SHC3: variants seen among roughly 807,000 people sequenced by gnomAD.
SHC3 encodes the protein SHC-transforming protein 3.
A neutral mutation model predicts 60.4 loss-of-function variants in SHC3; 15 were observed. That is an observed-to-expected ratio of 0.25 (90% CI 0.17 to 0.38). The LOEUF (loss-of-function observed/expected upper bound fraction) is 0.38, where lower values mean the gene tolerates loss of function less well. Among genes scored for constraint, SHC3 ranks in the 10% least tolerant of loss-of-function variants. The probability of loss-of-function intolerance (pLI) is 1.00; values close to 1 mark genes in which losing one functional copy is unlikely to be tolerated. For missense variants in SHC3, 677 were observed against 786.1 expected (o/e 0.86, Z 1.66); for synonymous variants, 294 against 325.9 (o/e 0.90, Z 1.05).
intron 1 of SHC3, among the ~76,000 whole-genome samples, chr9:89,149,539 C>T (rs1178994700): frequency 6.6e-6 from 1 of 151,932 alleles, no homozygotes; most frequent in Non-Finnish European, 1.5e-5. Context: ...GTCTTTTTTC[C>T]TCCCCTCTTC....
chr9:89,148,083 G>C (rs1005870623), intron 1 of SHC3, among the ~76,000 whole-genome samples: 1 of 152,224 alleles, frequency 6.6e-6, no homozygotes, highest in Admixed American at 6.5e-5. Flanking sequence ...TACTTCATTT[G>C]ATAATGCAGG....
rs373114842 is a variant in SHC3 at position 89,013,189 on chromosome 9, A to C, written c.*258T>G. 1 of 289,188 alleles carries C rather than the reference A, an allele frequency of 3.5e-6. No homozygotes were observed. The highest frequency in any genetic ancestry group is 2.2e-5 in the African/African-American group (1 of 45,792). The allele number at this position is 289,188 out of a possible 1,614,324, so 17.9% of individuals were successfully genotyped here. A position where few individuals can be genotyped will look rare whatever the true frequency, so the allele number is the denominator to read the frequency against. ...ACATACAGCACAGAACATTAGTCTTACATCTTTCTTAGTCTTAAAAAATAT... is the reference window on the plus strand; with the variant it reads ...ACATACAGCACAGAACATTAGTCTTCCATCTTTCTTAGTCTTAAAAAATAT... On this transcript the variant is annotated 3_prime_UTR_variant, in exon 12 of 12. Transcript: ENST00000375835.
At chr9:89,101,561 T>A (rs1036855560) in intron 2 of SHC3, among the ~76,000 whole-genome samples, 2 of 151,920 alleles carry the variant, frequency 1.3e-5, no homozygotes, top group African/African-American at 4.8e-5. Context: ...AATGAATGTA[T>A]GTTGAATTTT....
intron 5 of SHC3, among the ~76,000 whole-genome samples, chr9:89,070,820 A>C (rs1825258165): frequency 6.6e-6 from 1 of 152,204 alleles, no homozygotes; most frequent in African/African-American, 2.4e-5. Context: ...CACATTCTTC[A>C]GGCAGACTTA....
intron 11 of SHC3, among the ~76,000 whole-genome samples, chr9:89,033,163 C>T (rs916614046): frequency 1.1e-4 from 17 of 152,032 alleles, no homozygotes; most frequent in African/African-American, 3.9e-4. Context: ...AATCGTATTT[C>T]CACAAATTCA....
Position 89,161,448 on chromosome 9 carries a change from T to C in SHC3, c.474+16539A>G, listed in dbSNP as rs1341293333. Among the ~76,000 whole-genome samples the C allele has an allele frequency of 2.6e-5, 4 of 152,322 alleles. No homozygotes were observed. The South Asian group carries it at 8.3e-4, about 32-fold the overall frequency. On this transcript the variant is annotated intron_variant, in intron 1 of 11. Coordinates refer to ENST00000375835, the MANE Select transcript of SHC3 (RefSeq NM_016848.6). ...AGCCTGCAGAGCCAGTTAAACCTCTTTTGTTTATAAATTACCCAGTCTTGA... is the reference window on the plus strand; with the variant it reads ...AGCCTGCAGAGCCAGTTAAACCTCTCTTGTTTATAAATTACCCAGTCTTGA...
chr9:89,095,130 T>G (rs146800796), intron 2 of SHC3, among the ~76,000 whole-genome samples: 40 of 152,222 alleles, frequency 2.6e-4, no homozygotes, highest in Non-Finnish European at 2.1e-4. Context: ...ATACCCAAAA[T>G]AAGTGATAGC....
intron 1 of SHC3, among the ~76,000 whole-genome samples, chr9:89,154,583 T>C (rs1826594834): frequency 6.6e-6 from 1 of 152,234 alleles, no homozygotes. Flanking sequence ...GCTATTCCCC[T>C]AATCATGTAT....
intron 2 of SHC3, among the ~76,000 whole-genome samples, chr9:89,092,692 G>T (rs541813349): frequency 6.6e-6 from 1 of 151,730 alleles, no homozygotes; most frequent in African/African-American, 2.4e-5. Context: ...GTAGATTGTG[G>T]AATGATGAAG....
chr9:89,066,011 G>A (rs1211485016), intron 5 of SHC3, among the ~76,000 whole-genome samples: 4 of 152,162 alleles, frequency 2.6e-5, no homozygotes, highest in Non-Finnish European at 2.9e-5. Flanking sequence ...TGGATGTGAG[G>A]CCTGTGCATT....
intron 2 of SHC3, among the ~76,000 whole-genome samples, chr9:89,087,215 T>C (rs1825544993): frequency 2.0e-5 from 3 of 152,172 alleles, no homozygotes; most frequent in Admixed American, 2.0e-4. Flanking sequence ...CACATAATAG[T>C]AAACATCGTC....
intron 1 of SHC3, among the ~76,000 whole-genome samples, chr9:89,174,588 T>C (rs897228840): frequency 6.6e-6 from 1 of 152,236 alleles, no homozygotes; most frequent in African/African-American, 2.4e-5. Flanking sequence ...TTGGGCCTCC[T>C]GATTCTTGCC....
chr9:89,170,640 A>G (rs575169702), intron 1 of SHC3, among the ~76,000 whole-genome samples: 213 of 152,328 alleles, frequency 1.4e-3, no homozygotes, highest in African/African-American at 5.0e-3. Context: ...GCAAGACTCC[A>G]TCTCAGAAAT....
At chr9:89,106,004 C>T (rs1331580930) in intron 2 of SHC3, among the ~76,000 whole-genome samples, 1 of 152,152 alleles carries the variant, frequency 6.6e-6, no homozygotes, top group East Asian at 1.9e-4. Context: ...ATTTATTGAA[C>T]ATCCACTATG....
At chr9:89,051,067 A>C (rs1315745108) in intron 7 of SHC3, among the ~76,000 whole-genome samples, 9 of 152,188 alleles carry the variant, frequency 5.9e-5, no homozygotes, top group Non-Finnish European at 1.0e-4. Context: ...AAAGAAATGA[A>C]AAGTCTCTTT....
At chr9:89,019,122 T>C (rs1025744856) in intron 11 of SHC3, among the ~76,000 whole-genome samples, 7 of 151,774 alleles carry the variant, frequency 4.6e-5, no homozygotes, top group Admixed American at 4.6e-4. Flanking sequence ...TATCTGATAC[T>C]GAGGAACTCA....
intron 1 of SHC3, among the ~76,000 whole-genome samples, chr9:89,176,283 G>C (rs1042090528): frequency 6.6e-6 from 1 of 152,202 alleles, no homozygotes; most frequent in Non-Finnish European, 1.5e-5. Context: ...ACGCAGAGCC[G>C]TCTTATTTTC....
intron 10 of SHC3, among the ~76,000 whole-genome samples, chr9:89,040,279 TCAC>T (rs1824667538): frequency 6.8e-6 from 1 of 148,036 alleles, no homozygotes; most frequent in Non-Finnish European, 1.5e-5. Flanking sequence ...AGCACCATCA[TCAC>T]CACCATCATC....
Position 89,008,057 on chromosome 9 carries a change from C to T in SHC3, c.*5390G>A, listed in dbSNP as rs1389226365. On this transcript the variant is annotated 3_prime_UTR_variant, in exon 12 of 12. Coordinates refer to ENST00000375835, the MANE Select transcript of SHC3 (RefSeq NM_016848.6). ...CGTTTTTAATCAATGTAAGTATATGCGTATATGTATATACATATGCAATTC... is the reference window on the plus strand; with the variant it reads ...CGTTTTTAATCAATGTAAGTATATGTGTATATGTATATACATATGCAATTC... The T allele has an allele frequency of 6.6e-6, 1 of 152,164 alleles. No homozygotes were observed. The highest frequency in any genetic ancestry group is 2.4e-5 in the African/African-American group (1 of 41,432). The allele number at this position is 152,164 out of a possible 1,614,324, so 9.4% of individuals were successfully genotyped here.
Sources: gnomAD v4.1 joint callset for allele counts (sites outside exome capture counted in the v4.1 genomes callset) on GRCh38, gnomAD v4.1.1 for gene constraint, MANE v1.5 for transcripts, NCBI Gene and HGNC (gene_info 2026-07-23, HGNC 2026-07-21) for gene names.